Variants in RIMS4 observed in about 807,000 individuals in gnomAD.
The protein encoded by RIMS4 is regulating synaptic membrane exocytosis protein 4.
Under a neutral mutation model 29.0 loss-of-function variants are expected in RIMS4, and 9 were observed. The observed-to-expected ratio is 0.31, with a 90% CI of 0.19 to 0.54. RIMS4 has a LOEUF of 0.54. Among genes scored for constraint, RIMS4 ranks in the 20% least tolerant of loss-of-function variants. The pLI, the probability that RIMS4 is intolerant of heterozygous loss-of-function variation, is 0.94. For synonymous variants in RIMS4, 130 were observed against 152.9 expected (o/e 0.85, Z 1.10); for missense variants, 193 against 365.7 (o/e 0.53, Z 3.85).
intron 1 of RIMS4, among the ~76,000 whole-genome samples, chr20:44,809,627 G>C (rs1044526429): frequency 6.6e-6 from 1 of 152,222 alleles, no homozygotes; most frequent in African/African-American, 2.4e-5. Flanking sequence ...ATAAGAAGCA[G>C]GAGTCTGGAG....
At chr20:44,765,076 T>C (rs1216581937) in intron 2 of RIMS4, among the ~76,000 whole-genome samples, 1 of 152,222 alleles carries the variant, frequency 6.6e-6, no homozygotes, top group Non-Finnish European at 1.5e-5. Context: ...TAGGTATTTG[T>C]AATTAATACC....
At chr20:44,797,624 C>T (rs2066260524) in intron 1 of RIMS4, among the ~76,000 whole-genome samples, 1 of 152,208 alleles carries the variant, frequency 6.6e-6, no homozygotes, top group Non-Finnish European at 1.5e-5. Flanking sequence ...TGCCCTAATA[C>T]TTGTACTTGA....
At chr20:44,782,264 C>T (rs76493416) in intron 1 of RIMS4, among the ~76,000 whole-genome samples, 3,022 of 152,264 alleles carry the variant, frequency 0.02, 50 homozygotes, top group Middle Eastern at 0.1. Flanking sequence ...CTTGTTCATA[C>T]TTAACATACC....
intron 1 of RIMS4, 52 bp from the exon 2 acceptor site, chr20:44,771,465 G>C: frequency 3.8e-6 from 6 of 1,570,652 alleles, no homozygotes; most frequent in Non-Finnish European, 5.2e-6. Context: ...AGGTGGGAGG[G>C]GGACAGAGAG....
At position 44,754,886 on chromosome 20, in the gene RIMS4, A is replaced by AT. The variant is rs1318264261; in HGVS notation, c.*1247dup. 6.6e-6 allele frequency: 1 copy of AT among 152,524 alleles called. No homozygotes were observed. Among genetic ancestry groups the AT allele is most frequent in the Non-Finnish European group, 1.5e-5 (1 of 68,044 alleles). 9.4% of individuals were successfully genotyped at this position (152,524 alleles called of 1,614,324 possible). ...GTGCCTCCCAGGGGAGGTGGCAGAA[A>AT]TGTGCTTCTATAAAGAGGGGCCAGC... is the stretch of plus-strand genomic sequence containing the variant. On this transcript the variant is annotated 3_prime_UTR_variant, in exon 6 of 6. Transcript: ENST00000372851.
At chr20:44,785,687 C>T (rs550502734) in intron 1 of RIMS4, among the ~76,000 whole-genome samples, 47 of 151,940 alleles carry the variant, frequency 3.1e-4, no homozygotes, top group African/African-American at 1.1e-3. Flanking sequence ...CTGCTCCTCT[C>T]TTGAGCTTCA....
chr20:44,761,491 T>C (rs2066084845), intron 2 of RIMS4, among the ~76,000 whole-genome samples: 1 of 152,176 alleles, frequency 6.6e-6, no homozygotes, highest in South Asian at 2.1e-4. Flanking sequence ...GGTTCATGCC[T>C]CAGAAGCAGC....
chr20:44,791,180 C>T (rs529500336), intron 1 of RIMS4, among the ~76,000 whole-genome samples: 60 of 152,340 alleles, frequency 3.9e-4, no homozygotes, highest in African/African-American at 1.2e-3. Flanking sequence ...TGTGTGCACG[C>T]GCACGCGCAC....
chr20:44,771,634 A>G (rs1270874264), intron 1 of RIMS4, among the ~76,000 whole-genome samples: 3 of 152,220 alleles, frequency 2.0e-5, no homozygotes, highest in African/African-American at 4.8e-5. Flanking sequence ...ATTCATTTAC[A>G]TGTGCTTTTT....
intron 1 of RIMS4, among the ~76,000 whole-genome samples, chr20:44,809,761 T>G (rs1022732704): frequency 1.3e-5 from 2 of 151,960 alleles, no homozygotes; most frequent in Non-Finnish European, 2.9e-5. Context: ...AGGTAAGGTC[T>G]GCGCGCCACC....
At chr20:44,767,169 A>G (rs1347470789) in intron 2 of RIMS4, among the ~76,000 whole-genome samples, 2 of 152,126 alleles carry the variant, frequency 1.3e-5, no homozygotes, top group African/African-American at 4.8e-5. Flanking sequence ...TTGCACTTGA[A>G]CCCATGTCTC....
Position 44,756,147 on chromosome 20 carries a change from C to A in RIMS4, c.797G>T (p.Gly266Val), listed in dbSNP as rs753968708. The A allele has an allele frequency of 6.2e-7, 1 of 1,607,798 alleles. No individual in the cohort carries two copies. The highest frequency in any genetic ancestry group is 8.5e-7 in the Non-Finnish European group (1 of 1,176,654). ...CCCATTCCAGCACTAAGATCGTTCT[C>A]CGCAGGGCCCCACGGTGCTCTCGAG... ...LSLESTVGPC[G>V]ERS is the part of the protein sequence containing the mutation. Residue 266 changes from glycine (G) to valine (V), a missense_variant, in exon 6 of 6, where the codon GGA (glycine) becomes GTA (valine). Gly to Val is a moderately radical substitution (Grantham distance 109). Coordinates refer to ENST00000372851, the MANE Select transcript of RIMS4 (RefSeq NM_182970.4). This position sits in a 1 kb window ranked among gnomAD's most constrained non-coding sequence, Gnocchi z 5.9.
At chr20:44,793,737 G>A (rs973687268) in intron 1 of RIMS4, among the ~76,000 whole-genome samples, 3 of 152,074 alleles carry the variant, frequency 2.0e-5, no homozygotes, top group African/African-American at 7.2e-5. Context: ...CAGTAATGCT[G>A]GCGACCTGAG....
chr20:44,782,654 C>G (rs1020232652), intron 1 of RIMS4, among the ~76,000 whole-genome samples: 5 of 152,084 alleles, frequency 3.3e-5, no homozygotes, highest in African/African-American at 7.2e-5. Context: ...AGGGGCAGGC[C>G]CTATCTGGGA....
At chr20:44,784,396 G>C (rs2066198754) in intron 1 of RIMS4, among the ~76,000 whole-genome samples, 1 of 152,182 alleles carries the variant, frequency 6.6e-6, no homozygotes. Context: ...TCCAAGACTA[G>C]AGCTAGCAAG....
At position 44,768,641 on chromosome 20, in the gene RIMS4, C is replaced by T. The variant is rs149611045; in HGVS notation, c.236+2634G>A. Among the ~76,000 whole-genome samples the T allele has an allele frequency of 5.8e-3, 878 of 152,342 alleles. 11 individuals are homozygous for T. Among genetic ancestry groups the T allele is most frequent in the African/African-American group, 0.02 (841 of 41,570 alleles). ...CTGGCTGGGATCCACCAACACTCAGCTCTTTTCAGGAGGCCAAGACTGTCC... is the reference window on the plus strand; with the variant it reads ...CTGGCTGGGATCCACCAACACTCAGTTCTTTTCAGGAGGCCAAGACTGTCC... On this transcript the variant is annotated intron_variant, in intron 2 of 5. Coordinates refer to ENST00000372851, the MANE Select transcript of RIMS4 (RefSeq NM_182970.4).
intron 2 of RIMS4, among the ~76,000 whole-genome samples, chr20:44,759,389 C>T (rs377598507): frequency 2.0e-5 from 3 of 152,248 alleles, no homozygotes; most frequent in South Asian, 4.1e-4. Context: ...TCCCAAGTAG[C>T]TGGGAATACA....
intron 1 of RIMS4, among the ~76,000 whole-genome samples, chr20:44,781,168 A>G (rs1331740672): frequency 6.6e-6 from 1 of 152,124 alleles, no homozygotes; most frequent in Non-Finnish European, 1.5e-5. Flanking sequence ...CATTCAACAC[A>G]CTCTTTACTA....
At chr20:44,805,756 C>T (rs970404873) in intron 1 of RIMS4, among the ~76,000 whole-genome samples, 1 of 152,132 alleles carries the variant, frequency 6.6e-6, no homozygotes, top group African/African-American at 2.4e-5. Context: ...GGAAAGAAAA[C>T]TCTGCCAAAT....
Sources: gnomAD v4.1 joint callset for allele counts (sites outside exome capture counted in the v4.1 genomes callset) on GRCh38, gnomAD v4.1.1 for gene constraint, Gnocchi (gnomAD v3.1) non-coding constraint, MANE v1.5 for transcripts, NCBI Gene and HGNC (gene_info 2026-07-23, HGNC 2026-07-21) for gene names.